Variants in PRKCA observed in about 807,000 individuals in gnomAD.
The protein encoded by PRKCA is protein kinase C alpha type.
A neutral mutation model predicts 87.0 loss-of-function variants in PRKCA; 27 were observed. The ratio of observed to expected loss-of-function variants is 0.31; its 90% confidence interval spans 0.23 to 0.43. The LOEUF (loss-of-function observed/expected upper bound fraction) is 0.43, where lower values mean the gene tolerates loss of function less well. Ranked by LOEUF, PRKCA falls within the 20% of genes least tolerant of loss-of-function variation. The pLI is 1.00. For synonymous variants in PRKCA, 329 were observed against 311.1 expected, an observed-to-expected ratio of 1.06 and a Z score of -0.61; for missense variants, 518 against 852.3, an observed-to-expected ratio of 0.61 and a Z score of 4.88.
chr17:66,769,428 T>C (rs2144324121), intron 13 of PRKCA, among the ~76,000 whole-genome samples: 1 of 152,300 alleles, frequency 6.6e-6, no homozygotes, highest in East Asian at 1.9e-4. Flanking sequence ...TTTAATACTT[T>C]GCTTTGGATT....
At chr17:66,358,080 A>C (rs1260168068) in intron 2 of PRKCA, among the ~76,000 whole-genome samples, 1 of 152,204 alleles carries the variant, frequency 6.6e-6, no homozygotes, top group Non-Finnish European at 1.5e-5. Context: ...GATCTCTTGA[A>C]CATTTGAAAA....
chr17:66,318,926 G>A (rs1201899706), intron 2 of PRKCA, among the ~76,000 whole-genome samples: 1 of 150,884 alleles, frequency 6.6e-6, no homozygotes, highest in Non-Finnish European at 1.5e-5. Flanking sequence ...TTTTAGACCA[G>A]CCTGGGTAAC....
At chr17:66,427,058 C>T (rs901086965) in intron 2 of PRKCA, among the ~76,000 whole-genome samples, 9 of 152,156 alleles carry the variant, frequency 5.9e-5, no homozygotes, top group African/African-American at 1.9e-4. Context: ...TTTTAAGAGA[C>T]GAGGTCTTGC....
intron 2 of PRKCA, among the ~76,000 whole-genome samples, chr17:66,438,076 T>C (rs79111408): frequency 0.045 from 6,774 of 152,046 alleles, 191 homozygotes; most frequent in South Asian, 0.11. Flanking sequence ...TGGGGAACAA[T>C]GTCCTGAAAG....
chr17:66,786,055 C>G (rs1051962637), intron 14 of PRKCA, among the ~76,000 whole-genome samples: 1 of 152,198 alleles, frequency 6.6e-6, no homozygotes, highest in Non-Finnish European at 1.5e-5. Flanking sequence ...GTCTCGATCA[C>G]CTGCCCTTGT....
intron 2 of PRKCA, among the ~76,000 whole-genome samples, chr17:66,377,715 ATATATAT>A (rs1909532110): frequency 4.6e-5 from 3 of 65,714 alleles, no homozygotes; most frequent in African/African-American, 1.6e-4. Flanking sequence ...ATATATATAT[ATATATAT>A]TTTTTTTTTT....
chr17:66,533,463 G>T (rs576172524), intron 3 of PRKCA, among the ~76,000 whole-genome samples: 41 of 152,302 alleles, frequency 2.7e-4, no homozygotes, highest in African/African-American at 9.9e-4. Context: ...TTAAGGGCAT[G>T]TGTCTTGAAA....
chr17:66,309,961 T>C (rs1490286553), intron 2 of PRKCA, among the ~76,000 whole-genome samples: 1 of 152,182 alleles, frequency 6.6e-6, no homozygotes, highest in Non-Finnish European at 1.5e-5. Context: ...AGCGATCCAC[T>C]GTACTGCTCA....
At chr17:66,384,914 G>A (rs563329886) in intron 2 of PRKCA, among the ~76,000 whole-genome samples, 1 of 152,340 alleles carries the variant, frequency 6.6e-6, no homozygotes, top group South Asian at 2.1e-4. Context: ...ACAGGTGTGA[G>A]CCACTGCACC....
intron 3 of PRKCA, among the ~76,000 whole-genome samples, chr17:66,503,379 G>A (rs1284416185): frequency 2.0e-5 from 3 of 152,116 alleles, no homozygotes; most frequent in Admixed American, 6.5e-5. Context: ...TACCGGTGAC[G>A]TCACAGGTTC....
At chr17:66,466,595 A>G (rs1382816965) in intron 2 of PRKCA, among the ~76,000 whole-genome samples, 1 of 152,226 alleles carries the variant, frequency 6.6e-6, no homozygotes, top group Non-Finnish European at 1.5e-5. Flanking sequence ...CACACTGAAC[A>G]TTTAAAAATA....
chr17:66,658,110 A>G (rs933430931), intron 5 of PRKCA, among the ~76,000 whole-genome samples: 9 of 152,174 alleles, frequency 5.9e-5, no homozygotes, highest in African/African-American at 2.2e-4. Flanking sequence ...GAAGAAGCAA[A>G]CACATCCTTC....
chr17:66,619,123 G>C (rs1466745430), intron 3 of PRKCA, among the ~76,000 whole-genome samples: 1 of 152,146 alleles, frequency 6.6e-6, no homozygotes, highest in East Asian at 1.9e-4. Flanking sequence ...AGCTGGAGAA[G>C]CTAGGGTCGG....
chr17:66,614,986 G>C (rs1319972875), intron 3 of PRKCA, among the ~76,000 whole-genome samples: 2 of 152,134 alleles, frequency 1.3e-5, no homozygotes, highest in Admixed American at 6.5e-5. Flanking sequence ...CAGGGCTTCA[G>C]AGCAGTTCCA....
At chr17:66,473,610 T>C (rs752564767) in intron 2 of PRKCA, among the ~76,000 whole-genome samples, 5 of 152,118 alleles carry the variant, frequency 3.3e-5, no homozygotes, top group Admixed American at 6.5e-5. Context: ...ATAACTGCAG[T>C]AGCTACTATT....
chr17:66,497,767 A>G (rs1355298501), intron 3 of PRKCA, among the ~76,000 whole-genome samples: 1 of 152,192 alleles, frequency 6.6e-6, no homozygotes, highest in Non-Finnish European at 1.5e-5. Context: ...ATCTCAGTGC[A>G]GGCAAGACTA....
chr17:66,740,834 T>C (rs1170500966), intron 11 of PRKCA, among the ~76,000 whole-genome samples: 2 of 152,236 alleles, frequency 1.3e-5, no homozygotes, highest in Non-Finnish European at 2.9e-5. Flanking sequence ...TGAAAAATAA[T>C]GTAAAGATCA....
Position 66,383,992 on chromosome 17 carries a change from G to A in PRKCA, c.205+77865G>A, listed in dbSNP as rs191105285. 3.1e-3 allele frequency among the ~76,000 whole-genome samples: 465 copies of A among 152,122 alleles called. 1 individual carries two copies. Among genetic ancestry groups the A allele is most frequent in the Non-Finnish European group, 5.7e-3 (391 of 68,010 alleles). On this transcript the variant is annotated intron_variant, in intron 2 of 16. Transcript: ENST00000413366. ...TTTTGATGAAGCCATTAATGTTATAGTTAAAATATATTTAGGTATGCTAGG... is the reference window on the plus strand; with the variant it reads ...TTTTGATGAAGCCATTAATGTTATAATTAAAATATATTTAGGTATGCTAGG...
At position 66,689,919 on chromosome 17, in the gene PRKCA, G is replaced by A. The variant is rs1401685345; in HGVS notation, c.918+872G>A. ...TGTTAGAATTCCCTGGAATTTCCCC[G>A]CTCTAGAGCAGTACACGTGCACACG... is the stretch of plus-strand genomic sequence containing the variant. On this transcript the variant is annotated intron_variant, in intron 8 of 16. Transcript: ENST00000413366. This position sits in a 1 kb window ranked among gnomAD's most constrained non-coding sequence, Gnocchi z 4.1. Among the ~76,000 whole-genome samples, 2 of 152,138 alleles carry A rather than the reference G, an allele frequency of 1.3e-5. No homozygotes were observed. Among genetic ancestry groups the A allele is most frequent in the East Asian group, 1.9e-4 (1 of 5,184 alleles).
Sources: allele counts gnomAD v4.1 joint callset (sites outside exome capture counted in the v4.1 genomes callset), GRCh38; gene constraint gnomAD v4.1.1; non-coding constraint Gnocchi (gnomAD v3.1); transcripts MANE v1.5; gene names NCBI Gene and HGNC (gene_info 2026-07-23, HGNC 2026-07-21).